The following FSTL4 variants were observed in gnomAD, a reference collection of about 807,000 sequenced individuals.
The protein encoded by FSTL4 is follistatin like 4, also known as follistatin-related protein 4.
Under a neutral mutation model 78.2 loss-of-function variants are expected in FSTL4, and 28 were observed. The ratio of observed to expected loss-of-function variants is 0.36; its 90% CI spans 0.27 to 0.49. The LOEUF is 0.49. Ranked by LOEUF, FSTL4 falls within the 20% of genes least tolerant of loss-of-function variation. The pLI is 0.98. For synonymous variants in FSTL4, 422 were observed against 440.5 expected (o/e 0.96, Z 0.53); for missense variants, 922 against 1,084.9 (o/e 0.85, Z 2.11).
chr5:133,739,079 G>A, the FSTL4 span, among the ~76,000 whole-genome samples: 21 of 152,164 alleles, frequency 1.4e-4, no homozygotes, highest in South Asian at 4.0e-3. Flanking sequence ...CAGCTGCCAG[G>A]CAACAGGATG....
chr5:133,606,074 T>C (rs1042000319), intron 1 of FSTL4, among the ~76,000 whole-genome samples: 1 of 151,958 alleles, frequency 6.6e-6, no homozygotes, highest in Non-Finnish European at 1.5e-5. Flanking sequence ...GAAAAGAAAA[T>C]CATATTCGGG....
intron 4 of FSTL4, among the ~76,000 whole-genome samples, chr5:133,326,489 G>A (rs909234643): frequency 3.3e-4 from 50 of 152,140 alleles, no homozygotes; most frequent in African/African-American, 1.2e-3. Context: ...ACCCTGTGGC[G>A]GTGTTTATGC....
the FSTL4 span, among the ~76,000 whole-genome samples, chr5:133,757,460 C>T: frequency 2.6e-5 from 4 of 152,170 alleles, no homozygotes; most frequent in East Asian, 1.9e-4. Flanking sequence ...CAGGTCTAAC[C>T]GCTTGCTTTA....
chr5:133,349,295 C>CTGTGTGTGTGTG (rs1554107119), intron 4 of FSTL4, among the ~76,000 whole-genome samples: 50 of 139,764 alleles, frequency 3.6e-4, no homozygotes, highest in South Asian at 1.5e-3. Context: ...GCCTCTCTCT[C>CTGTGTGTGTGTG]TGTGTGTGTG....
In FSTL4 at chr5:133,198,877, C is replaced by T. The variant is rs1003351356; in HGVS notation, c.*218G>A. 15 of 460,936 alleles carry T rather than the reference C, an allele frequency of 3.3e-5. No homozygotes were observed. The highest frequency in any genetic ancestry group is 7.3e-5 in the Admixed American group (2 of 27,314). 28.6% of individuals were successfully genotyped at this position (460,936 alleles called of 1,614,324 possible). ...TTTACACAGCAGCATATGTTCTCATCGTAGCTCAAGGCATAAATCATACTT... is the reference window on the plus strand; with the variant it reads ...TTTACACAGCAGCATATGTTCTCATTGTAGCTCAAGGCATAAATCATACTT... On this transcript the variant is annotated 3_prime_UTR_variant, in exon 16 of 16. Transcript: ENST00000265342.
At chr5:133,371,252 T>C (rs890198659) in intron 4 of FSTL4, among the ~76,000 whole-genome samples, 1 of 152,244 alleles carries the variant, frequency 6.6e-6, no homozygotes, top group African/African-American at 2.4e-5. Context: ...TCCGAGACTC[T>C]GACCACGTAA....
At chr5:133,330,900 G>A (rs1754329966) in intron 4 of FSTL4, among the ~76,000 whole-genome samples, 1 of 152,198 alleles carries the variant, frequency 6.6e-6, no homozygotes, top group South Asian at 2.1e-4. Flanking sequence ...ATGCCTGTGT[G>A]TGCATATGTG....
chr5:133,777,193 A>C, the FSTL4 span, among the ~76,000 whole-genome samples: 1 of 150,572 alleles, frequency 6.6e-6, no homozygotes, highest in East Asian at 1.9e-4. Context: ...TCACAATGGA[A>C]AATTACACAG....
chr5:133,802,670 T>C, the FSTL4 span, among the ~76,000 whole-genome samples: 1 of 152,192 alleles, frequency 6.6e-6, no homozygotes, highest in African/African-American at 2.4e-5. Context: ...CCCAAGCCTC[T>C]TCCTGTTCTA....
At chr5:133,237,016 G>A (rs1016872744) in intron 7 of FSTL4, among the ~76,000 whole-genome samples, 1 of 152,152 alleles carries the variant, frequency 6.6e-6, no homozygotes, top group African/African-American at 2.4e-5. Context: ...GCTGTCGAGG[G>A]GACTGTACAG....
chr5:133,267,177 G>C (rs1752663975), intron 6 of FSTL4, among the ~76,000 whole-genome samples: 1 of 152,210 alleles, frequency 6.6e-6, no homozygotes, highest in African/African-American at 2.4e-5. Context: ...GAAAAGGGAG[G>C]AGATGGGGTC....
chr5:133,532,607 C>CTGTTTA (rs1759279109), intron 3 of FSTL4, among the ~76,000 whole-genome samples: 1 of 152,146 alleles, frequency 6.6e-6, no homozygotes, highest in Admixed American at 6.5e-5. Context: ...AAACAGGACT[C>CTGTTTA]TGGGCGTCAG....
intron 3 of FSTL4, among the ~76,000 whole-genome samples, chr5:133,543,398 C>T (rs1759515319): frequency 6.6e-6 from 1 of 152,108 alleles, no homozygotes; most frequent in Admixed American, 6.6e-5. Flanking sequence ...GTAATAGCTC[C>T]CATTGTGATC....
intron 4 of FSTL4, among the ~76,000 whole-genome samples, chr5:133,333,015 CTCTG>C (rs150626820): frequency 0.024 from 3,681 of 151,172 alleles, 58 homozygotes; most frequent in African/African-American, 0.04. Context: ...GTCTCTCTCT[CTCTG>C]TCTGTCTCTC....
intron 6 of FSTL4, among the ~76,000 whole-genome samples, chr5:133,301,224 T>C (rs114237418): frequency 0.011 from 1,627 of 152,186 alleles, 38 homozygotes; most frequent in African/African-American, 0.037. Flanking sequence ...GGAGCAGAAG[T>C]GCAGCCAGCA....
At chr5:133,472,869 G>T (rs1474529025) in intron 3 of FSTL4, among the ~76,000 whole-genome samples, 1 of 152,240 alleles carries the variant, frequency 6.6e-6, no homozygotes, top group Admixed American at 6.5e-5. Flanking sequence ...AGGTCCCTGA[G>T]TGTGTAGCAG....
chr5:133,732,197 G>A, the FSTL4 span, among the ~76,000 whole-genome samples: 1 of 152,298 alleles, frequency 6.6e-6, no homozygotes, highest in African/African-American at 2.4e-5. Flanking sequence ...TGATCACCCA[G>A]GGCCCCCGAA....
chr5:133,481,482 C>T (rs1304928127), intron 3 of FSTL4, among the ~76,000 whole-genome samples: 1 of 138,406 alleles, frequency 7.2e-6, no homozygotes, highest in Non-Finnish European at 1.5e-5. Context: ...GCAGAGGTTG[C>T]AGTGAGCCAA....
chr5:133,291,735 T>C (rs1344743787), intron 6 of FSTL4, among the ~76,000 whole-genome samples: 2 of 152,086 alleles, frequency 1.3e-5, no homozygotes, highest in African/African-American at 2.4e-5. Flanking sequence ...GAGTGACCTG[T>C]TGCAGGCCTC....
Sources: gnomAD v4.1 joint callset for allele counts (sites outside exome capture counted in the v4.1 genomes callset) on GRCh38, gnomAD v4.1.1 for gene constraint, MANE v1.5 for transcripts, NCBI Gene and HGNC (gene_info 2026-07-23, HGNC 2026-07-21) for gene names.